The following KSR2 variants were observed in gnomAD, a reference collection of about 807,000 sequenced individuals.
KSR2 encodes kinase suppressor of ras 2.
A neutral mutation model predicts 107.8 loss-of-function variants in KSR2; 25 were observed. The ratio of observed to expected loss-of-function variants is 0.23; its 90% CI spans 0.17 to 0.32. KSR2 has a LOEUF of 0.32. Ranked by LOEUF, KSR2 falls within the 10% of genes least tolerant of loss-of-function variation. The probability of loss-of-function intolerance (pLI) is 1.00; values close to 1 mark genes in which losing one functional copy is unlikely to be tolerated. For synonymous variants in KSR2, 480 were observed against 507.0 expected (o/e 0.95, Z 0.71); for missense variants, 887 against 1,268.9 (o/e 0.70, Z 4.57).
At chr12:117,759,621 C>T (rs1468422709) in intron 4 of KSR2, among the ~76,000 whole-genome samples, 1 of 152,166 alleles carries the variant, frequency 6.6e-6, no homozygotes, top group African/African-American at 2.4e-5. Flanking sequence ...AAGTCTATAT[C>T]CAATAAATAA....
At chr12:117,830,323 A>T (rs1891912407) in intron 3 of KSR2, among the ~76,000 whole-genome samples, 1 of 151,934 alleles carries the variant, frequency 6.6e-6, no homozygotes, top group South Asian at 2.1e-4. Flanking sequence ...GGTCATAAAG[A>T]TGGGAACAAA....
intron 19 of KSR2, among the ~76,000 whole-genome samples, chr12:117,468,667 T>A (rs558469218): frequency 1.3e-5 from 2 of 152,286 alleles, no homozygotes; most frequent in Non-Finnish European, 2.9e-5. Context: ...GTACTGCTTG[T>A]CTTTAGAGGG....
intron 7 of KSR2, among the ~76,000 whole-genome samples, chr12:117,569,698 C>A (rs1401343074): frequency 6.6e-6 from 1 of 152,150 alleles, no homozygotes; most frequent in Non-Finnish European, 1.5e-5. Context: ...CAGTGCTAAA[C>A]CTCAGAAAGT....
chr12:117,643,114 T>C (rs1490653762), intron 5 of KSR2, among the ~76,000 whole-genome samples: 1 of 152,096 alleles, frequency 6.6e-6, no homozygotes, highest in Non-Finnish European at 1.5e-5. Context: ...CTACCTAGAG[T>C]TAGCAACTTT....
chr12:117,864,444 C>A (rs1400485979), intron 1 of KSR2, among the ~76,000 whole-genome samples: 1 of 152,018 alleles, frequency 6.6e-6, no homozygotes. Context: ...ATGCATTGCG[C>A]ACACACACAT....
chr12:117,930,907 C>T (rs1187303620), intron 1 of KSR2, among the ~76,000 whole-genome samples: 3 of 152,174 alleles, frequency 2.0e-5, no homozygotes, highest in Admixed American at 1.3e-4. Flanking sequence ...GAAGAAGACC[C>T]TGTTTCAAGA....
Position 117,555,311 on chromosome 12 carries a change from T to C in KSR2, c.1394-18A>G. ...TGCTGGATCCGTAGGGGTAAAAACA[T>C]TGATTTGGGAGTTTAAGTATCACTT... On this transcript the variant is annotated intron_variant, in intron 8 of 19. Transcript: ENST00000339824. The C allele has an allele frequency of 6.2e-7, 1 of 1,613,314 alleles. No individual in the cohort carries two copies. Among genetic ancestry groups the C allele is most frequent in the South Asian group, 1.1e-5 (1 of 90,940 alleles).
chr12:117,820,940 C>T lies in KSR2; in HGVS notation c.472+34488G>A, dbSNP rs74961075. Among the ~76,000 whole-genome samples, 1,069 of 151,978 alleles carry T rather than the reference C, an allele frequency of 7.0e-3. 60 individuals carry two copies. The East Asian group carries it at 0.13, about 19-fold the overall frequency. ...AGTCTCTGTTTCTGAGGTTTTGTTA[C>T]ATTAAGGCCCTAAAGAGTCAAGGTT... On this transcript the variant is annotated intron_variant, in intron 3 of 19. Coordinates refer to ENST00000339824, the MANE Select transcript of KSR2 (RefSeq NM_173598.6).
chr12:117,855,302 C>T lies in KSR2; in HGVS notation c.472+126G>A, dbSNP rs767526433. On this transcript the variant is annotated intron_variant, in intron 3 of 19. Coordinates refer to ENST00000339824, the MANE Select transcript of KSR2 (RefSeq NM_173598.6). ...GTCCACGCTGCCTCTTCCTGCGTTT[C>T]GGATTTGCCCCCCAGGGTTGACTCT... is the stretch of plus-strand genomic sequence containing the variant. 99 of 1,253,592 alleles carry T rather than the reference C, an allele frequency of 7.9e-5. No homozygotes were observed. The African/African-American group carries it at 8.4e-4, about 11-fold the overall frequency. The allele number at this position is 1,253,592 out of a possible 1,614,324, so 77.7% of individuals were successfully genotyped here. A position where few individuals can be genotyped will look rare whatever the true frequency, so the allele number is the denominator to read the frequency against.
At chr12:117,521,233 T>C (rs1314397057) in intron 14 of KSR2, among the ~76,000 whole-genome samples, 1 of 152,222 alleles carries the variant, frequency 6.6e-6, no homozygotes, top group Non-Finnish European at 1.5e-5. Context: ...TACGCCATCT[T>C]TGAGAAGCAC....
chr12:117,658,930 T>C lies in KSR2; in HGVS notation c.1171+8544A>G, dbSNP rs377716240. Among the ~76,000 whole-genome samples, 13 of 152,266 alleles carry C rather than the reference T, an allele frequency of 8.5e-5. No individual in the cohort carries two copies. In the East Asian group the frequency reaches 1.9e-3, roughly 23 times the overall value. On this transcript the variant is annotated intron_variant, in intron 5 of 19. Coordinates refer to ENST00000339824, the MANE Select transcript of KSR2 (RefSeq NM_173598.6). ...GCACTCTGTAACTGCCAGCCAGGAATTTTCCTCTCTTGGTACGTCAGTTTT... is the reference window on the plus strand; with the variant it reads ...GCACTCTGTAACTGCCAGCCAGGAACTTTCCTCTCTTGGTACGTCAGTTTT...
chr12:117,832,828 G>C (rs1892029112), intron 3 of KSR2, among the ~76,000 whole-genome samples: 1 of 152,228 alleles, frequency 6.6e-6, no homozygotes, highest in South Asian at 2.1e-4. Context: ...ACAGGCCAAT[G>C]CACTGCTGCC....
chr12:117,572,003 C>T (rs938416593), intron 7 of KSR2, among the ~76,000 whole-genome samples: 6 of 152,108 alleles, frequency 3.9e-5, no homozygotes, highest in Non-Finnish European at 7.4e-5. Context: ...CCTGGAGCCT[C>T]AGGTAGCAGC....
At chr12:117,475,249 GA>G (rs1871703564) in intron 17 of KSR2, among the ~76,000 whole-genome samples, 1 of 152,244 alleles carries the variant, frequency 6.6e-6, no homozygotes, top group Non-Finnish European at 1.5e-5. Flanking sequence ...GTGCACTGAA[GA>G]TGAAATGAAA....
chr12:117,723,172 C>A lies in KSR2; in HGVS notation c.986+37839G>T, dbSNP rs775750021. ...GATCACTCACAACCGAAGAATCAAA[C>A]CAAACCACACCAACACCAGGGAGAC... On this transcript the variant is annotated intron_variant, in intron 4 of 19. Transcript: ENST00000339824. Among the ~76,000 whole-genome samples, 17 of 152,192 alleles carry A rather than the reference C, an allele frequency of 1.1e-4. 1 individual carries two copies. Among genetic ancestry groups the A allele is most frequent in the Non-Finnish European group, 2.2e-4 (15 of 68,030 alleles).
chr12:117,812,519 CTTGAATTTATTACA>C (rs1355749910), intron 3 of KSR2, among the ~76,000 whole-genome samples: 1 of 152,122 alleles, frequency 6.6e-6, no homozygotes, highest in Non-Finnish European at 1.5e-5. Flanking sequence ...TTCAGCTCCT[CTTGAATTTATTACA>C]ATGAATTTCA....
At chr12:117,774,760 T>G (rs1010957325) in intron 3 of KSR2, among the ~76,000 whole-genome samples, 7 of 152,186 alleles carry the variant, frequency 4.6e-5, no homozygotes, top group African/African-American at 1.7e-4. Context: ...CTCTATCTAG[T>G]TCCAAAACAC....
chr12:117,907,038 T>C lies in KSR2; in HGVS notation c.181-46607A>G, dbSNP rs944773872. ...CTGTCCAAAAAGATCCAAAACTCTGTATCTCTAACAAGTGCTTGTGTGATG... is the reference window on the plus strand; with the variant it reads ...CTGTCCAAAAAGATCCAAAACTCTGCATCTCTAACAAGTGCTTGTGTGATG... On this transcript the variant is annotated intron_variant, in intron 1 of 19. Coordinates refer to ENST00000339824, the MANE Select transcript of KSR2 (RefSeq NM_173598.6). The surrounding 1 kb of genome is among the most constrained non-coding windows in gnomAD (Gnocchi z 4.3). Among the ~76,000 whole-genome samples, 7 of 152,158 alleles carry C rather than the reference T, an allele frequency of 4.6e-5. No individual in the cohort carries two copies. Among genetic ancestry groups the C allele is most frequent in the Non-Finnish European group, 1.0e-4 (7 of 68,030 alleles).
At chr12:117,531,110 CA>C in intron 11 of KSR2, 97 bp from the exon 12 acceptor site, 1 of 978,208 alleles carries the variant, frequency 1.0e-6, no homozygotes, top group Non-Finnish European at 1.6e-6. Flanking sequence ...AATTTTTCAC[CA>C]GATCTTGGAT....
Sources: allele counts gnomAD v4.1 joint callset (sites outside exome capture counted in the v4.1 genomes callset), GRCh38; gene constraint gnomAD v4.1.1; non-coding constraint Gnocchi (gnomAD v3.1); transcripts MANE v1.5; gene names NCBI Gene and HGNC (gene_info 2026-07-23, HGNC 2026-07-21).